Variants in PON2 observed in about 807,000 individuals in gnomAD.
PON2 encodes serum paraoxonase/arylesterase 2.
Under a neutral mutation model 36.6 loss-of-function variants are expected in PON2, and 27 were observed. The ratio of observed to expected loss-of-function variants is 0.74; its 90% CI spans 0.54 to 1.02. The LOEUF (loss-of-function observed/expected upper bound fraction) is 1.02, where lower values mean the gene tolerates loss of function less well. PON2 is among the 50% of genes least tolerant of loss of function. PON2 has a pLI of 0.00. For missense variants in PON2, 363 were observed against 421.1 expected (o/e 0.86, Z 1.21); for synonymous variants, 149 against 156.3 (o/e 0.95, Z 0.35).
chr7:95,406,193 C>A lies in PON2; in HGVS notation c.832G>T (p.Asp278Tyr). 1 of 1,612,630 alleles carries A rather than the reference C, an allele frequency of 6.2e-7. No homozygotes were observed. ...TTAGGATGACAGCCTACCCAGATGT[C>A]CCCCGAGGAAGGATCAATAGATAAA... The part of the protein sequence containing the change: ...DNLSIDPSSG[D>Y]IWVGCHPNGQ... The change falls in exon 8 of 9, where the codon GAC becomes TAC. Residue 278 changes from aspartate to tyrosine, a missense_variant. Asp to Tyr is a radical substitution (Grantham distance 160). Coordinates refer to ENST00000222572, the MANE Select transcript of PON2 (RefSeq NM_000305.3).
chr7:95,410,604 A>C (rs1675550734), intron 5 of PON2, among the ~76,000 whole-genome samples: 1 of 152,232 alleles, frequency 6.6e-6, no homozygotes, highest in Non-Finnish European at 1.5e-5. Context: ...CAAAGCTGAC[A>C]TGCCGAGAAT....
rs775444276 is a variant in PON2, at chr7:95,405,424, C to G, written c.971G>C (p.Gly324Ala). Reference sequence around the variant, plus strand: ...TACAGAACTTCCTTGGAGAACAGACCCATTGTTGGCATAAACTGTAGTCAC... The same window carrying G: ...TACAGAACTTCCTTGGAGAACAGACGCATTGTTGGCATAAACTGTAGTCAC... ...PTVTTVYANN[G>A]SVLQGSSVAS... The change falls in exon 9 of 9, where the codon GGG becomes GCG. Residue 324 changes from glycine to alanine, a missense_variant. Physicochemically the swap from Gly to Ala is moderately conservative, Grantham distance 60. Transcript: ENST00000222572. The G allele has an allele frequency of 6.2e-7, 1 of 1,613,602 alleles. No homozygotes were observed. The highest frequency in any genetic ancestry group is 8.5e-7 in the Non-Finnish European group (1 of 1,179,608).
intron 6 of PON2, 42 bp downstream of exon 6, chr7:95,409,859 C>G: frequency 6.3e-7 from 1 of 1,591,482 alleles, no homozygotes; most frequent in Admixed American, 1.7e-5. Flanking sequence ...TGGCCAGCAC[C>G]ACAACTGAAG....
intron 2 of PON2, among the ~76,000 whole-genome samples, chr7:95,420,911 T>C (rs1415937251): frequency 6.6e-6 from 1 of 152,210 alleles, no homozygotes; most frequent in East Asian, 1.9e-4. Context: ...AAGTTATTAT[T>C]AACCATTATG....
intron 6 of PON2, among the ~76,000 whole-genome samples, chr7:95,409,329 A>C (rs17876201): frequency 0.012 from 1,778 of 152,126 alleles, 27 homozygotes; most frequent in South Asian, 0.047. Flanking sequence ...CAAAACAAAA[A>C]AAAAACACTC....
chr7:95,411,566 C>T, intron 5 of PON2, 87 bp downstream of exon 5: 1 of 1,511,318 alleles, frequency 6.6e-7, no homozygotes. Context: ...TACATTAGCG[C>T]TTATAAAAGA....
chr7:95,429,536 T>C (rs1789391510), intron 1 of PON2, among the ~76,000 whole-genome samples: 1 of 152,210 alleles, frequency 6.6e-6, no homozygotes. Context: ...GTGTCTTTCA[T>C]TCAGGAAACA....
At chr7:95,415,038 C>G (rs1271284191) in intron 3 of PON2, 1 of 152,198 alleles carries the variant, frequency 6.6e-6, no homozygotes, top group Non-Finnish European at 1.5e-5. Context: ...AGTCTAACAA[C>G]TATTTTATTA....
chr7:95,420,953 T>C (rs890778794), intron 2 of PON2, among the ~76,000 whole-genome samples: 1 of 152,048 alleles, frequency 6.6e-6, no homozygotes, highest in African/African-American at 2.4e-5. Flanking sequence ...CAAACGTTCA[T>C]ATGGTGTGTG....
At chr7:95,416,040 G>T (rs1789055101) in intron 3 of PON2, 4 of 872,136 alleles carry the variant, frequency 4.6e-6, no homozygotes, top group South Asian at 1.8e-5. Flanking sequence ...GGGAAATAAA[G>T]AACACTATCT....
At chr7:95,417,399 AG>A (rs2116478189) in intron 2 of PON2, among the ~76,000 whole-genome samples, 1 of 152,294 alleles carries the variant, frequency 6.6e-6, no homozygotes, top group South Asian at 2.1e-4. Flanking sequence ...GGCATAGCGG[AG>A]GAGTTCTCAA....
At chr7:95,414,323 T>C (rs1789012114) in intron 3 of PON2, among the ~76,000 whole-genome samples, 1 of 152,148 alleles carries the variant, frequency 6.6e-6, no homozygotes, top group Non-Finnish European at 1.5e-5. Flanking sequence ...CACTCTAGGT[T>C]TTATTAGAGA....
chr7:95,411,930 G>C, intron 4 of PON2, 151 bp from the exon 5 acceptor site: 1 of 842,986 alleles, frequency 1.2e-6, no homozygotes, highest in East Asian at 2.6e-5. Flanking sequence ...TCCTATTGCT[G>C]TCCGTCTGGT....
rs553288312 is a variant in PON2, at chr7:95,433,464, T to G, written c.74+1414A>C. ...ACACCAGCCCTCCAGGAGATTCTAA[T>G]GTACAGAGAACCATTGCTCTCCTCC... On this transcript the variant is annotated intron_variant, in intron 1 of 8. Coordinates refer to ENST00000222572, the MANE Select transcript of PON2 (RefSeq NM_000305.3). Among the ~76,000 whole-genome samples, 3 of 152,282 alleles carry G rather than the reference T, an allele frequency of 2.0e-5. No individual in the cohort carries two copies. The South Asian group carries it at 6.2e-4, about 32-fold the overall frequency.
intron 5 of PON2, among the ~76,000 whole-genome samples, chr7:95,410,686 AG>A (rs1788900572): frequency 6.6e-6 from 1 of 151,994 alleles, no homozygotes; most frequent in Non-Finnish European, 1.5e-5. Context: ...TTCAGGTGAG[AG>A]ATTTATATGC....
At chr7:95,422,005 A>G (rs1789205539) in intron 2 of PON2, among the ~76,000 whole-genome samples, 1 of 152,208 alleles carries the variant, frequency 6.6e-6, no homozygotes, top group African/African-American at 2.4e-5. Context: ...TCAAAACTCT[A>G]AACACATATT....
intron 3 of PON2, chr7:95,415,932 A>T: frequency 2.8e-6 from 1 of 360,990 alleles, no homozygotes; most frequent in Non-Finnish European, 5.1e-6. Flanking sequence ...AGCCGGGGCA[A>T]CCAGAACAAG....
intron 1 of PON2, among the ~76,000 whole-genome samples, chr7:95,434,498 A>C (rs143552307): frequency 3.3e-5 from 5 of 152,350 alleles, no homozygotes; most frequent in African/African-American, 9.6e-5. Context: ...ACCTGAAATA[A>C]ATCTTCATAG....
At chr7:95,412,250 T>C in intron 4 of PON2, 62 bp downstream of exon 4, 2 of 1,578,446 alleles carry the variant, frequency 1.3e-6, no homozygotes, top group South Asian at 1.1e-5. Context: ...CCAAATCTAT[T>C]TTTCACAGTC....
Sources: allele counts gnomAD v4.1 joint callset (sites outside exome capture counted in the v4.1 genomes callset), GRCh38; gene constraint gnomAD v4.1.1; transcripts MANE v1.5; gene names NCBI Gene and HGNC (gene_info 2026-07-23, HGNC 2026-07-21).